Variants in ENTPD1 observed in about 807,000 individuals in gnomAD.
The protein encoded by ENTPD1 is ectonucleoside triphosphate diphosphohydrolase 1, also known as ATP diphosphohydrolase.
Under a neutral mutation model 57.0 loss-of-function variants are expected in ENTPD1, and 33 were observed. That is an observed-to-expected ratio of 0.58 (90% confidence interval 0.44 to 0.77). The LOEUF is 0.77. Among genes scored for constraint, ENTPD1 ranks in the 30% least tolerant of loss-of-function variants. The pLI, the probability that ENTPD1 is intolerant of heterozygous loss-of-function variation, is 0.00. For synonymous variants in ENTPD1, 202 were observed against 218.8 expected (o/e 0.92, Z 0.68); for missense variants, 501 against 603.4 (o/e 0.83, Z 1.78).
At position 95,872,084 on chromosome 10, in the gene ENTPD1, CTTTTT is replaced by C; in HGVS notation, c.*5703_*5707del. ...CCCATTCTGCCTGTGCAATATTTTT[CTTTTT>C]TATTTCTCCTTCTAATATTACTGTT... On this transcript the variant is annotated 3_prime_UTR_variant, in exon 10 of 10. Coordinates refer to ENST00000371205, the MANE Select transcript of ENTPD1 (RefSeq NM_001776.6). The C allele has an allele frequency of 3.0e-6, 3 of 985,414 alleles. No individual in the cohort carries two copies. The highest frequency in any genetic ancestry group is 3.6e-6 in the Non-Finnish European group (3 of 829,930). The allele number at this position is 985,414 out of a possible 1,614,324, so 61.0% of individuals were successfully genotyped here.
In ENTPD1 at chr10:95,839,728, G is replaced by A. The variant is rs2098418580; in HGVS notation, c.182G>A (p.Ser61Asn). The A allele has an allele frequency of 3.7e-6, 6 of 1,614,062 alleles. No individual in the cohort carries two copies. The highest frequency in any genetic ancestry group is 5.1e-6 in the Non-Finnish European group (6 of 1,180,016). ...CTGGATGCGGGTTCTTCTCACACAAGTTTATACATCTATAAGTGGCCAGCA... is the reference window on the plus strand; with the variant it reads ...CTGGATGCGGGTTCTTCTCACACAAATTTATACATCTATAAGTGGCCAGCA... The part of the protein sequence containing the change: ...IVLDAGSSHT[S>N]LYIYKWPAEK... The change falls in exon 3 of 10, where the codon AGT (serine) becomes AAT (asparagine). Residue 61 changes from serine to asparagine, a missense_variant. Coordinates refer to ENST00000371205, the MANE Select transcript of ENTPD1 (RefSeq NM_001776.6).
intron 1 of ENTPD1, among the ~76,000 whole-genome samples, chr10:95,736,449 A>G (rs2139863511): frequency 6.6e-6 from 1 of 152,344 alleles, no homozygotes; most frequent in South Asian, 2.1e-4. Context: ...TAATAGAAAT[A>G]ATATGAAAAT....
At chr10:95,698,738 T>C in the ENTPD1 span, among the ~76,000 whole-genome samples, 1 of 152,254 alleles carries the variant, frequency 6.6e-6, no homozygotes, top group East Asian at 1.9e-4. Context: ...TTCCCAGGCT[T>C]CATAACTGTA....
chr10:95,801,186 G>A (rs376103509), intron 1 of ENTPD1, among the ~76,000 whole-genome samples: 36 of 152,288 alleles, frequency 2.4e-4, no homozygotes, highest in South Asian at 4.1e-4. Flanking sequence ...CAGCTGTGCC[G>A]AAGCTTTTTA....
intron 2 of ENTPD1, among the ~76,000 whole-genome samples, chr10:95,838,450 A>G (rs2098415722): frequency 6.6e-6 from 1 of 152,258 alleles, no homozygotes; most frequent in East Asian, 1.9e-4. Flanking sequence ...TAGTATATCC[A>G]TATAATGAAA....
chr10:95,825,599 A>T (rs2098372040), intron 2 of ENTPD1, among the ~76,000 whole-genome samples: 1 of 152,146 alleles, frequency 6.6e-6, no homozygotes, highest in South Asian at 2.1e-4. Flanking sequence ...CTTTTTCAAG[A>T]TGGAGTCTCG....
At position 95,866,647 on chromosome 10, in the gene ENTPD1, T is replaced by TAAAG; in HGVS notation, c.*266_*269dup. On this transcript the variant is annotated 3_prime_UTR_variant, in exon 10 of 10. Transcript: ENST00000371205. ...TTGTACTTTGTGCTTGTATAGGTTT[T>TAAAG]AAAGACCTGACACCTTTCATAATCT... is the stretch of plus-strand genomic sequence containing the variant. 7.6e-7 allele frequency: 1 copy of TAAAG among 1,310,234 alleles called. No individual in the cohort carries two copies. Among genetic ancestry groups the TAAAG allele is most frequent in the Non-Finnish European group, 9.8e-7 (1 of 1,022,370 alleles). 81.2% of individuals were successfully genotyped at this position (1,310,234 alleles called of 1,614,324 possible). A position where few individuals can be genotyped will look rare whatever the true frequency, so the allele number is the denominator to read the frequency against.
chr10:95,853,481 G>A (rs1315896915), intron 7 of ENTPD1, among the ~76,000 whole-genome samples: 1 of 152,140 alleles, frequency 6.6e-6, no homozygotes. Flanking sequence ...GAATAGGAGT[G>A]GTGAGAGAGG....
chr10:95,735,025 ATTTTTTTT>A (rs376795429), intron 1 of ENTPD1, among the ~76,000 whole-genome samples: 1 of 126,756 alleles, frequency 7.9e-6, no homozygotes, highest in Non-Finnish European at 1.7e-5. Flanking sequence ...ATGAAAATAG[ATTTTTTTT>A]TTTTTTTTTT....
intron 1 of ENTPD1, among the ~76,000 whole-genome samples, chr10:95,759,072 A>G (rs913083395): frequency 3.3e-5 from 5 of 152,230 alleles, no homozygotes; most frequent in African/African-American, 9.6e-5. Context: ...CTTGTCAGCC[A>G]TTAGCACCTT....
At chr10:95,722,260 AT>A (rs1183054017) in intron 1 of ENTPD1, among the ~76,000 whole-genome samples, 1 of 148,794 alleles carries the variant, frequency 6.7e-6, no homozygotes, top group Non-Finnish European at 1.5e-5. Context: ...TCCCAAGTTC[AT>A]TGTTTTTTTG....
intron 7 of ENTPD1, among the ~76,000 whole-genome samples, chr10:95,857,054 G>A (rs979029901): frequency 7.2e-5 from 11 of 151,766 alleles, no homozygotes; most frequent in African/African-American, 2.4e-4. Flanking sequence ...TATTTTGAAG[G>A]AAAAGAAATG....
At chr10:95,725,705 T>C (rs1437443934) in intron 1 of ENTPD1, among the ~76,000 whole-genome samples, 2 of 152,246 alleles carry the variant, frequency 1.3e-5, no homozygotes, top group Admixed American at 1.3e-4. Flanking sequence ...CTCAATCTGT[T>C]TGTGAGTTAG....
intron 1 of ENTPD1, among the ~76,000 whole-genome samples, chr10:95,773,223 C>T (rs913822899): frequency 1.3e-5 from 2 of 152,202 alleles, no homozygotes; most frequent in Admixed American, 6.5e-5. Context: ...GGCCCCACCT[C>T]TAACACTGGG....
intron 1 of ENTPD1, among the ~76,000 whole-genome samples, chr10:95,729,608 A>G (rs2097987245): frequency 6.6e-6 from 1 of 152,222 alleles, no homozygotes; most frequent in Non-Finnish European, 1.5e-5. Context: ...CCCACTGCAA[A>G]GACTTGAAAC....
At chr10:95,860,624 T>C in intron 8 of ENTPD1, 42 bp downstream of exon 8, 1 of 1,538,684 alleles carries the variant, frequency 6.5e-7, no homozygotes, top group Non-Finnish European at 9.0e-7. Context: ...ATGAGTGCCC[T>C]GTGTCGTTGC....
chr10:95,760,195 C>G (rs983083776), intron 1 of ENTPD1, among the ~76,000 whole-genome samples: 2 of 152,054 alleles, frequency 1.3e-5, no homozygotes, highest in African/African-American at 4.8e-5. Context: ...AATAATAATA[C>G]AAGAGAAAGT....
chr10:95,804,994 G>A (rs1295029737), intron 1 of ENTPD1, among the ~76,000 whole-genome samples: 1 of 152,142 alleles, frequency 6.6e-6, no homozygotes, highest in African/African-American at 2.4e-5. Context: ...TTCTGTAGAT[G>A]TCTATTAGGT....
intron 1 of ENTPD1, among the ~76,000 whole-genome samples, chr10:95,812,431 C>T (rs2098312023): frequency 6.6e-6 from 1 of 152,130 alleles, no homozygotes; most frequent in Non-Finnish European, 1.5e-5. Context: ...ATTCCTTTTC[C>T]TTATTGCTGA....
Sources: allele counts gnomAD v4.1 joint callset (sites outside exome capture counted in the v4.1 genomes callset), GRCh38; gene constraint gnomAD v4.1.1; transcripts MANE v1.5; gene names NCBI Gene and HGNC (gene_info 2026-07-23, HGNC 2026-07-21).